RNLS: variants seen among roughly 807,000 people sequenced by gnomAD.
The protein encoded by RNLS is renalase.
A neutral mutation model predicts 39.8 loss-of-function variants in RNLS; 39 were observed. That is an observed-to-expected ratio of 0.98 (90% CI 0.76 to 1.28). The LOEUF is 1.28. Ranked by LOEUF, RNLS falls within the 50% of genes most tolerant of loss-of-function variation. RNLS has a pLI of 0.00. For missense variants in RNLS, 410 were observed against 413.3 expected (o/e 0.99, Z 0.07); for synonymous variants, 147 against 150.7 (o/e 0.98, Z 0.18).
In RNLS at chr10:88,539,487, C is replaced by A. The variant is rs577085154; in HGVS notation, c.526+33416G>T. ...TGGCATTAAACTTTTCCATGGGACACCAAGCTGCTACAGAGGCTCCCAGTT... is the reference window on the plus strand; with the variant it reads ...TGGCATTAAACTTTTCCATGGGACAACAAGCTGCTACAGAGGCTCCCAGTT... On this transcript the variant is annotated intron_variant, in intron 4 of 6. Coordinates refer to ENST00000331772, the MANE Select transcript of RNLS (RefSeq NM_001031709.3). 5.3e-5 allele frequency among the ~76,000 whole-genome samples: 8 copies of A among 152,204 alleles called. No individual in the cohort carries two copies. The South Asian group carries it at 1.7e-3, about 32-fold the overall frequency.
At chr10:88,310,801 C>CAAAAAAAAAAAAAAAAAAAAA (rs577838661) in intron 6 of RNLS, among the ~76,000 whole-genome samples, 28 of 19,594 alleles carry the variant, frequency 1.4e-3, no homozygotes, top group East Asian at 2.3e-3. Context: ...CTACCTCTGC[C>CAAAAAAAAAAAAAAAAAAAAA]AAAAAAAAAA....
At chr10:88,579,305 A>G (rs76737072) in intron 3 of RNLS, among the ~76,000 whole-genome samples, 3,355 of 152,270 alleles carry the variant, frequency 0.022, 128 homozygotes, top group African/African-American at 0.077. Flanking sequence ...GTGAGCTACA[A>G]TCAAACACGG....
At chr10:88,269,026 C>A (rs955237031), downstream of RNLS, among the ~76,000 whole-genome samples, 1 of 152,094 alleles carries the variant, frequency 6.6e-6, no homozygotes, top group African/African-American at 2.4e-5. Context: ...GCTGTTAAGC[C>A]CTGATGTTAG....
chr10:88,526,838 C>T (rs1020257269), intron 4 of RNLS, among the ~76,000 whole-genome samples: 1 of 151,582 alleles, frequency 6.6e-6, no homozygotes, highest in Non-Finnish European at 1.5e-5. Flanking sequence ...AAGCTCAATT[C>T]TAAGTTTGCA....
chr10:88,346,113 T>G (rs866415245), intron 5 of RNLS, among the ~76,000 whole-genome samples: 1,644 of 152,272 alleles, frequency 0.011, 32 homozygotes, highest in African/African-American at 0.037. Flanking sequence ...AGATAATTGC[T>G]AAACTGTGGC....
chr10:88,254,720 C>T, the RNLS span, among the ~76,000 whole-genome samples: 2 of 152,180 alleles, frequency 1.3e-5, no homozygotes, highest in African/African-American at 4.8e-5. Flanking sequence ...GTATTTAATA[C>T]CTTCAATCAC....
intron 4 of RNLS, among the ~76,000 whole-genome samples, chr10:88,498,334 C>A (rs531776127): frequency 6.6e-6 from 1 of 151,318 alleles, no homozygotes; most frequent in African/African-American, 2.4e-5. Flanking sequence ...AAATGAAGGG[C>A]AACTTTGGAT....
chr10:88,200,003 G>A, the RNLS span, among the ~76,000 whole-genome samples: 1 of 152,104 alleles, frequency 6.6e-6, no homozygotes, highest in African/African-American at 2.4e-5. Context: ...CTGGCATATG[G>A]CTGTTGTCCC....
intron 4 of RNLS, among the ~76,000 whole-genome samples, chr10:88,519,597 A>G (rs1846597583): frequency 1.3e-5 from 2 of 151,380 alleles, no homozygotes; most frequent in African/African-American, 4.8e-5. Context: ...ATTAAAATGC[A>G]GTATCTCTAA....
the RNLS span, among the ~76,000 whole-genome samples, chr10:88,242,623 T>C: frequency 6.6e-6 from 1 of 152,206 alleles, no homozygotes; most frequent in Non-Finnish European, 1.5e-5. Flanking sequence ...CAGGACAAGA[T>C]GCTGTTTAAA....
intron 4 of RNLS, among the ~76,000 whole-genome samples, chr10:88,433,341 C>A (rs947175093): frequency 2.6e-5 from 4 of 151,984 alleles, no homozygotes; most frequent in African/African-American, 7.2e-5. Context: ...TGTGGTATAA[C>A]CATGAGGGTT....
At chr10:88,560,862 C>T (rs1250803701) in intron 4 of RNLS, among the ~76,000 whole-genome samples, 1 of 151,798 alleles carries the variant, frequency 6.6e-6, no homozygotes, top group Admixed American at 6.6e-5. Context: ...CAGCCAATTG[C>T]CCCTCCCTAC....
At chr10:88,513,424 T>C (rs1846246869) in intron 4 of RNLS, among the ~76,000 whole-genome samples, 1 of 152,144 alleles carries the variant, frequency 6.6e-6, no homozygotes, top group African/African-American at 2.4e-5. Context: ...AGTTTTCAAA[T>C]GTACACAAAA....
At chr10:88,377,388 G>C (rs1851100738) in intron 4 of RNLS, among the ~76,000 whole-genome samples, 1 of 152,122 alleles carries the variant, frequency 6.6e-6, no homozygotes, top group Non-Finnish European at 1.5e-5. Flanking sequence ...TAAACAATGG[G>C]AATATGTTCT....
intron 4 of RNLS, among the ~76,000 whole-genome samples, chr10:88,438,377 A>G (rs1477263412): frequency 6.6e-6 from 1 of 152,208 alleles, no homozygotes; most frequent in Non-Finnish European, 1.5e-5. Flanking sequence ...CTTGTTATAT[A>G]AATGAATAAG....
At chr10:88,499,704 C>T (rs1284019693) in intron 4 of RNLS, among the ~76,000 whole-genome samples, 1 of 152,034 alleles carries the variant, frequency 6.6e-6, no homozygotes, top group African/African-American at 2.4e-5. Flanking sequence ...TGAGCTATTT[C>T]TCAAGAAGCT....
chr10:88,492,421 C>CTTTTTTTTT, intron 4 of RNLS, among the ~76,000 whole-genome samples: 1 of 131,976 alleles, frequency 7.6e-6, no homozygotes, highest in Non-Finnish European at 1.6e-5. Context: ...TTTTCTTTTT[C>CTTTTTTTTT]TTTTTTTTTT....
the RNLS span, among the ~76,000 whole-genome samples, chr10:88,262,180 A>G: frequency 6.6e-6 from 1 of 152,148 alleles, no homozygotes; most frequent in African/African-American, 2.4e-5. Flanking sequence ...TATCTATGCC[A>G]TAGACAGGAA....
the RNLS span, among the ~76,000 whole-genome samples, chr10:88,210,207 C>T: frequency 6.6e-6 from 1 of 152,146 alleles, no homozygotes; most frequent in African/African-American, 2.4e-5. Context: ...TATTATCACT[C>T]CCCTGGGAGG....
Sources: allele counts gnomAD v4.1 joint callset (sites outside exome capture counted in the v4.1 genomes callset), GRCh38; gene constraint gnomAD v4.1.1; transcripts MANE v1.5; gene names NCBI Gene and HGNC (gene_info 2026-07-23, HGNC 2026-07-21).